ATP11C: variants seen among roughly 807,000 people sequenced by gnomAD.
The protein encoded by ATP11C is phospholipid-transporting ATPase IG.
A neutral mutation model predicts 97.4 loss-of-function variants in ATP11C; 36 were observed. That is an observed-to-expected ratio of 0.37 (90% CI 0.28 to 0.49). ATP11C has a LOEUF of 0.49. Ranked by LOEUF, ATP11C falls within the 20% of genes least tolerant of loss-of-function variation. The probability of loss-of-function intolerance (pLI) is 0.98; values close to 1 mark genes in which losing one functional copy is unlikely to be tolerated. For missense variants in ATP11C, 730 were observed against 824.6 expected (o/e 0.89, Z 1.40); for synonymous variants, 275 against 290.9 (o/e 0.95, Z 0.56).
Position 139,860,120 on chromosome X carries a change from A to G in ATP11C, c.28-33297T>C, listed in dbSNP as rs1461435663. On this transcript the variant is annotated intron_variant, in intron 1 of 29. Transcript: ENST00000682941. ...ACTCCGTCTCAAAAAAAAAAAAAAA[A>G]AAAAAAGAAAAGAAAGTGCTTAACA... 6.2e-5 allele frequency among the ~76,000 whole-genome samples: 5 copies of G among 80,726 alleles called. No individual in the cohort carries two copies. In the South Asian group the frequency reaches 1.6e-3, roughly 26 times the overall value. 70.1% of individuals were successfully genotyped at this position (80,726 alleles called of 115,157 possible). A position where few individuals can be genotyped will look rare whatever the true frequency, so the allele number is the denominator to read the frequency against.
intron 3 of ATP11C, among the ~76,000 whole-genome samples, chrX:139,818,189 T>C (rs1451192250): frequency 8.9e-6 from 1 of 111,958 alleles, no homozygotes; most frequent in Non-Finnish European, 1.9e-5. Flanking sequence ...TAGAAAAAAA[T>C]GATAACTTAC....
chrX:139,921,336 T>C (rs906629946), intron 1 of ATP11C, among the ~76,000 whole-genome samples: 2 of 110,643 alleles, frequency 1.8e-5, no homozygotes, highest in Admixed American at 1.9e-4. Flanking sequence ...AGTGAGTGAG[T>C]CTCACGAGAT....
chrX:139,750,236 A>G, intron 23 of ATP11C, 84 bp from the exon 24 acceptor site: 1 of 968,788 alleles, frequency 1.0e-6, no homozygotes, highest in African/African-American at 1.9e-5. Flanking sequence ...TGAAAAACTT[A>G]CTAGCTAAAA....
At chrX:139,766,670 C>T (rs1054953143) in intron 20 of ATP11C, among the ~76,000 whole-genome samples, 3 of 111,508 alleles carry the variant, frequency 2.7e-5, no homozygotes, top group Non-Finnish European at 3.8e-5. Flanking sequence ...CAGCCATCCC[C>T]TTGTTTAGAG....
chrX:139,936,027 A>G (rs1317338690), upstream of ATP11C, among the ~76,000 whole-genome samples: 1 of 110,529 alleles, frequency 9.0e-6, no homozygotes, highest in Non-Finnish European at 1.9e-5. Context: ...TGGGGGCAGG[A>G]TGGCTCACAC....
intron 28 of ATP11C, among the ~76,000 whole-genome samples, chrX:139,731,989 C>T (rs1474547367): frequency 9.0e-6 from 1 of 111,493 alleles, no homozygotes; most frequent in Non-Finnish European, 1.9e-5. Context: ...AAACAGACAA[C>T]AGTAGTATGT....
rs372562345 is a variant in ATP11C, at chrX:139,796,254, A to G, written c.1206+19T>C. The G allele has an allele frequency of 2.7e-6, 3 of 1,103,274 alleles. No individual in the cohort carries two copies. Among genetic ancestry groups the G allele is most frequent in the African/African-American group, 3.7e-5 (2 of 53,793 alleles). 90.9% of individuals were successfully genotyped at this position (1,103,274 alleles called of 1,213,427 possible). ...TTCACTACGTTGACAAATTATTTTA[A>G]GTAAAACAATGCTCTAACCTGACCA... On this transcript the variant is annotated intron_variant, in intron 12 of 29. Transcript: ENST00000682941.
At chrX:139,764,631 A>C (rs1183778540) in intron 20 of ATP11C, among the ~76,000 whole-genome samples, 2 of 113,070 alleles carry the variant, frequency 1.8e-5, no homozygotes, top group Non-Finnish European at 1.9e-5. Flanking sequence ...AGTTAACATA[A>C]ATAAAATCCA....
chrX:139,854,339 T>C (rs1260639128), intron 1 of ATP11C, among the ~76,000 whole-genome samples: 1 of 112,567 alleles, frequency 8.9e-6, no homozygotes, highest in Non-Finnish European at 1.9e-5. Flanking sequence ...AAAGTTAACG[T>C]ATTATCCTAA....
At chrX:139,762,829 T>A (rs1484271540) in intron 21 of ATP11C, among the ~76,000 whole-genome samples, 1 of 111,407 alleles carries the variant, frequency 9.0e-6, no homozygotes, top group Non-Finnish European at 1.9e-5. Context: ...GAAAAGCTGT[T>A]GTTGCATGTC....
At chrX:139,826,524 A>C (rs1269084033) in intron 2 of ATP11C, among the ~76,000 whole-genome samples, 180 bp downstream of exon 2, 2 of 111,329 alleles carry the variant, frequency 1.8e-5, no homozygotes, top group Admixed American at 9.5e-5. Flanking sequence ...ATAACAAGAC[A>C]AAGTGATTTT....
intron 1 of ATP11C, among the ~76,000 whole-genome samples, chrX:139,885,304 T>C (rs147908646): frequency 0.011 from 1,272 of 110,924 alleles, 20 homozygotes; most frequent in African/African-American, 0.041. Context: ...CCCTGCCATT[T>C]ACTAGCTCCA....
At chrX:139,900,741 T>C (rs935848883) in intron 1 of ATP11C, among the ~76,000 whole-genome samples, 1 of 112,279 alleles carries the variant, frequency 8.9e-6, no homozygotes, top group African/African-American at 3.2e-5. Flanking sequence ...TAAGAAACAA[T>C]GCACTTAATT....
rs182594683 is a variant in ATP11C at position 139,841,023 on chromosome X, T to A, written c.28-14200A>T. 4.3e-3 allele frequency among the ~76,000 whole-genome samples: 483 copies of A among 112,036 alleles called. 1 individual carries two copies. The highest frequency in any genetic ancestry group is 5.4e-3 in the Non-Finnish European group (288 of 53,108). On this transcript the variant is annotated intron_variant, in intron 1 of 29. Coordinates refer to ENST00000682941, the MANE Select transcript of ATP11C (RefSeq NM_001353812.2). ...CAAAAATCTATGGAAATAAAAAAAA[T>A]TTTTTTAAAGACTCTGCCAAAGCCG...
At chrX:139,823,998 G>A (rs981947776) in intron 2 of ATP11C, among the ~76,000 whole-genome samples, 2 of 108,568 alleles carry the variant, frequency 1.8e-5, no homozygotes, top group African/African-American at 3.4e-5. Context: ...GGCAAAGGGC[G>A]GGGTGCAGTG....
At chrX:139,743,708 G>T in intron 25 of ATP11C, 84 bp from the exon 26 acceptor site, 1 of 574,295 alleles carries the variant, frequency 1.7e-6, no homozygotes, top group Non-Finnish European at 2.6e-6. Flanking sequence ...AAGCCAAGTT[G>T]AATCCTGTGT....
intron 1 of ATP11C, among the ~76,000 whole-genome samples, chrX:139,880,883 T>C (rs1156904442): frequency 8.9e-6 from 1 of 112,080 alleles, no homozygotes; most frequent in East Asian, 2.8e-4. Context: ...TTGCTTAATC[T>C]ACAAGTCATA....
intron 1 of ATP11C, among the ~76,000 whole-genome samples, chrX:139,867,926 G>A (rs1569482876): frequency 8.9e-6 from 1 of 111,948 alleles, no homozygotes; most frequent in Non-Finnish European, 1.9e-5. Flanking sequence ...CCATGAGAAT[G>A]GAAGAGGAGA....
At chrX:139,922,830 C>T (rs1210129296) in intron 1 of ATP11C, among the ~76,000 whole-genome samples, 1 of 111,764 alleles carries the variant, frequency 8.9e-6, no homozygotes, top group Non-Finnish European at 1.9e-5. Flanking sequence ...CTCTATTACT[C>T]AGGCTGGAGT....
Sources: gnomAD v4.1 joint callset for allele counts (sites outside exome capture counted in the v4.1 genomes callset) on GRCh38, gnomAD v4.1.1 for gene constraint, MANE v1.5 for transcripts, NCBI Gene and HGNC (gene_info 2026-07-23, HGNC 2026-07-21) for gene names.